DNAH14: variants seen among roughly 807,000 people sequenced by gnomAD.
The protein encoded by DNAH14 is dynein axonemal heavy chain 14.
DNAH14 carries 478 observed loss-of-function variants against 520.9 expected under a neutral mutation model. The observed-to-expected ratio is 0.92, with a 90% CI of 0.85 to 0.99. DNAH14 has a LOEUF of 0.99. Among genes scored for constraint, DNAH14 ranks in the 50% least tolerant of loss-of-function variants. The pLI is 0.00. For synonymous variants in DNAH14, 1,581 were observed against 1,757.2 expected, an observed-to-expected ratio of 0.90 and a Z score of 2.51; for missense variants, 4,831 against 5,234.5, an observed-to-expected ratio of 0.92 and a Z score of 2.38.
intron 21 of DNAH14, among the ~76,000 whole-genome samples, chr1:225,090,313 C>A (rs571162647): frequency 7.9e-5 from 12 of 152,176 alleles, no homozygotes; most frequent in Admixed American, 4.6e-4. Context: ...TCAAATATCA[C>A]CAAATGGATC....
chr1:225,050,060 T>A (rs2148299988), intron 15 of DNAH14, 150 bp from the exon 16 acceptor site: 1 of 673,160 alleles, frequency 1.5e-6, no homozygotes, highest in Admixed American at 4.1e-5. Flanking sequence ...TTACACCTAT[T>A]TTTAAATTCC....
In DNAH14 at chr1:225,324,105, C is replaced by T. The variant is rs371787223; in HGVS notation, c.9496-117C>T. 1.2e-4 allele frequency: 161 copies of T among 1,313,686 alleles called. No individual in the cohort carries two copies. In the African/African-American group the frequency reaches 1.7e-3, roughly 14 times the overall value. The allele number at this position is 1,313,686 out of a possible 1,614,324, so 81.4% of individuals were successfully genotyped here. A position where few individuals can be genotyped will look rare whatever the true frequency, so the allele number is the denominator to read the frequency against. On this transcript the variant is annotated intron_variant, in intron 62 of 85. Coordinates refer to ENST00000682510, the MANE Select transcript of DNAH14 (RefSeq NM_001367479.1). ...TGCTGGGTTTATAGGCATGAGCCGC[C>T]GCCCCCGGCCTGAATATTTTAATAT...
chr1:225,378,529 T>C (rs1478900345), intron 79 of DNAH14, among the ~76,000 whole-genome samples: 1 of 152,116 alleles, frequency 6.6e-6, no homozygotes, highest in Non-Finnish European at 1.5e-5. Flanking sequence ...AGCTTTAAGG[T>C]TATTGCTTAC....
intron 78 of DNAH14, 75 bp downstream of exon 78, chr1:225,374,960 A>AT: frequency 1.5e-6 from 2 of 1,290,578 alleles, no homozygotes; most frequent in Non-Finnish European, 2.1e-6. Flanking sequence ...TAAAATACAT[A>AT]TTTAAATAAA....
chr1:225,361,337 TC>T (rs2095489920), intron 75 of DNAH14, among the ~76,000 whole-genome samples: 1 of 152,234 alleles, frequency 6.6e-6, no homozygotes. Flanking sequence ...AAAATACTTT[TC>T]TAGGCTGTAC....
chr1:225,188,356 TA>T (rs1250266789), intron 37 of DNAH14, among the ~76,000 whole-genome samples: 1 of 151,958 alleles, frequency 6.6e-6, no homozygotes, highest in Non-Finnish European at 1.5e-5. Flanking sequence ...TACAGTACAA[TA>T]AGGCATTTTG....
At chr1:224,969,276 C>T (rs1207783799) in intron 7 of DNAH14, 1 of 175,914 alleles carries the variant, frequency 5.7e-6, no homozygotes, top group Non-Finnish European at 1.2e-5. Context: ...ATACACCCTA[C>T]AGTTGACTCT....
rs149893393 is a variant in DNAH14 at position 225,007,442 on chromosome 1, T to C, written c.1005T>C (p.Asp335=). The C allele has an allele frequency of 1.6e-3, 2,500 of 1,539,108 alleles. 5 individuals carry two copies. The highest frequency in any genetic ancestry group is 2.9e-3 in the South Asian group (240 of 82,504). The change falls in exon 10 of 86, where the codon GAT becomes GAC. Residue 335 remains aspartate, a synonymous_variant. Transcript: ENST00000682510. Reference sequence around the variant, plus strand: ...ATAGTTCTCGAACATATTCTCTAGATGAATTTTGTGAAGAGCAGTTACAGC... The same window carrying C: ...ATAGTTCTCGAACATATTCTCTAGACGAATTTTGTGAAGAGCAGTTACAGC... ...KLDSSRTYSL[D]EFCEEQLQQA...
intron 36 of DNAH14, among the ~76,000 whole-genome samples, chr1:225,175,701 CTTTT>C (rs35341695): frequency 0.14 from 14,800 of 109,080 alleles, 750 homozygotes; most frequent in East Asian, 0.32. Context: ...TATTTTGGAT[CTTTT>C]TTTTTTTTTT....
chr1:225,374,631 G>C, intron 77 of DNAH14, 57 bp from the exon 78 acceptor site: 1 of 1,380,666 alleles, frequency 7.2e-7, no homozygotes, highest in Non-Finnish European at 9.7e-7. Flanking sequence ...TAAAAAGTCA[G>C]AGTGAGTAAG....
intron 11 of DNAH14, among the ~76,000 whole-genome samples, chr1:225,036,596 C>T (rs1054691355): frequency 1.3e-5 from 2 of 152,116 alleles, no homozygotes; most frequent in Non-Finnish European, 2.9e-5. Flanking sequence ...CTTTTAGGTT[C>T]CCTATCTTAG....
intron 8 of DNAH14, among the ~76,000 whole-genome samples, chr1:224,983,713 T>A (rs1480725292): frequency 6.6e-6 from 1 of 152,130 alleles, no homozygotes; most frequent in Admixed American, 6.5e-5. Context: ...CCAGATACAA[T>A]ATTAATGTAC....
At chr1:225,205,380 G>A (rs1450741808) in intron 39 of DNAH14, among the ~76,000 whole-genome samples, 1 of 152,154 alleles carries the variant, frequency 6.6e-6, no homozygotes. Context: ...CACGAAGATA[G>A]CACCCCCAGA....
intron 59 of DNAH14, among the ~76,000 whole-genome samples, chr1:225,308,046 T>C (rs1475180098): frequency 2.6e-5 from 4 of 152,196 alleles, no homozygotes; most frequent in African/African-American, 9.6e-5. Context: ...CCATCAAGGA[T>C]AGTGGATGAC....
At position 225,207,146 on chromosome 1, in the gene DNAH14, CA is replaced by C; in HGVS notation, c.6366del (p.Val2123SerfsTer3). Reference protein sequence around the residue: ...KFQPYPMEDITVVITLCRILD... With the variant: ...KFQPYPMEDIXVVITLCRILD... ...CAGCCATATCCTATGGAGGACATAA[CA>C]GTCGTCATAACCCTCTGCAGAATTC... On this transcript the variant is annotated frameshift_variant, in exon 41 of 86. Coordinates refer to ENST00000682510, the MANE Select transcript of DNAH14 (RefSeq NM_001367479.1). LOFTEE classifies it high-confidence loss of function. The C allele has an allele frequency of 1.3e-6, 2 of 1,550,654 alleles. No homozygotes were observed. The highest frequency in any genetic ancestry group is 8.7e-7 in the Non-Finnish European group (1 of 1,146,430).
chr1:224,938,640 C>CA (rs1397782754), intron 1 of DNAH14, among the ~76,000 whole-genome samples: 1 of 152,008 alleles, frequency 6.6e-6, no homozygotes, highest in Non-Finnish European at 1.5e-5. Flanking sequence ...GGAGGTTCCT[C>CA]AAAAAACTAA....
chr1:225,294,550 GTGGCTCA>G (rs2093963664), intron 55 of DNAH14, among the ~76,000 whole-genome samples: 1 of 152,174 alleles, frequency 6.6e-6, no homozygotes, highest in Non-Finnish European at 1.5e-5. Flanking sequence ...ACCAGGAGCA[GTGGCTCA>G]TGCCTGTAAT....
chr1:225,398,046 CA>C (rs11458055), intron 84 of DNAH14: 433 of 66,832 alleles, frequency 6.5e-3, no homozygotes, highest in African/African-American at 0.024. Context: ...GACCCCATGT[CA>C]AAAAAAAAAA....
chr1:225,250,513 C>T (rs565549887), intron 43 of DNAH14: 22 of 418,684 alleles, frequency 5.3e-5, no homozygotes, highest in Non-Finnish European at 9.2e-5. Flanking sequence ...TCGTATGTGG[C>T]GTGCTGTTTT....
Sources: gnomAD v4.1 joint callset for allele counts (sites outside exome capture counted in the v4.1 genomes callset) on GRCh38, gnomAD v4.1.1 for gene constraint, MANE v1.5 for transcripts, NCBI Gene and HGNC (gene_info 2026-07-23, HGNC 2026-07-21) for gene names.